ZNF385D: variants seen among roughly 807,000 people sequenced by gnomAD.
The protein encoded by ZNF385D is zinc finger protein 659.
A neutral mutation model predicts 35.8 loss-of-function variants in ZNF385D; 15 were observed. The ratio of observed to expected loss-of-function variants is 0.42; its 90% CI spans 0.28 to 0.64. The LOEUF is 0.64. Ranked by LOEUF, ZNF385D falls within the 30% of genes least tolerant of loss-of-function variation. ZNF385D has a pLI of 0.23. For missense variants in ZNF385D, 474 were observed against 494.6 expected, an observed-to-expected ratio of 0.96 and a Z score of 0.39; for synonymous variants, 212 against 186.8, an observed-to-expected ratio of 1.13 and a Z score of -1.10.
intron 2 of ZNF385D, among the ~76,000 whole-genome samples, chr3:22,183,886 ATTTTAC>A (rs1300867384): frequency 6.7e-6 from 1 of 149,702 alleles, no homozygotes; most frequent in Admixed American, 6.7e-5. Flanking sequence ...CATTTTTTAT[ATTTTAC>A]TTTTATGCTG....
rs1694963429 is a variant in ZNF385D, at chr3:21,831,125, G to T, written c.326-166097C>A. Reference sequence around the variant, plus strand: ...TTGAAACAAATCAACACTCAAGGTTGTTTTTAGAGGCACAATTCAATAATT... The same window carrying T: ...TTGAAACAAATCAACACTCAAGGTTTTTTTTAGAGGCACAATTCAATAATT... On this transcript the variant is annotated intron_variant, in intron 3 of 5. Coordinates refer to the ZNF385D transcript ENST00000494108. Among the ~76,000 whole-genome samples the T allele has an allele frequency of 2.0e-5, 3 of 152,076 alleles. No homozygotes were observed. In the South Asian group the frequency reaches 6.2e-4, roughly 32 times the overall value.
chr3:22,346,213 A>C (rs987994727), intron 2 of ZNF385D, among the ~76,000 whole-genome samples: 1 of 152,168 alleles, frequency 6.6e-6, no homozygotes, highest in African/African-American at 2.4e-5. Context: ...GGCTCCATAA[A>C]TTCCTGTCTA....
intron 2 of ZNF385D, among the ~76,000 whole-genome samples, chr3:21,628,583 A>G (rs1420365467): frequency 6.6e-6 from 1 of 152,150 alleles, no homozygotes; most frequent in African/African-American, 2.4e-5. Context: ...CCCTGCCTAA[A>G]AAAGACAAGT....
At chr3:22,027,679 A>ACAGCTG (rs1266192845) in intron 3 of ZNF385D, among the ~76,000 whole-genome samples, 2 of 152,118 alleles carry the variant, frequency 1.3e-5, no homozygotes, top group African/African-American at 4.8e-5. Context: ...TGGGTCACGC[A>ACAGCTG]CAGCTGCATT....
chr3:22,002,308 G>A (rs1213376990), intron 3 of ZNF385D, among the ~76,000 whole-genome samples: 1 of 152,040 alleles, frequency 6.6e-6, no homozygotes, highest in Admixed American at 6.6e-5. Context: ...AGGATATGAT[G>A]AACAAGTATA....
chr3:22,280,801 G>T (rs1030281145), intron 2 of ZNF385D, among the ~76,000 whole-genome samples: 4 of 152,134 alleles, frequency 2.6e-5, no homozygotes, highest in African/African-American at 9.6e-5. Flanking sequence ...GTTCTTTGAG[G>T]AATGATTGCG....
rs571982 is a variant in ZNF385D at position 21,970,173 on chromosome 3, C to A, written c.325+198644G>T. 2.0e-5 allele frequency among the ~76,000 whole-genome samples: 3 copies of A among 151,934 alleles called. No homozygotes were observed. The East Asian group carries it at 5.8e-4, about 30-fold the overall frequency. Reference sequence around the variant, plus strand: ...CTTCAATACTCTGACACCAATAACACTGACAAGCATTAAAACCATCCAGGA... The same window carrying A: ...CTTCAATACTCTGACACCAATAACAATGACAAGCATTAAAACCATCCAGGA... On this transcript the variant is annotated intron_variant, in intron 3 of 5. Coordinates refer to the ZNF385D transcript ENST00000494108.
chr3:21,692,462 T>C (rs750074493), intron 1 of ZNF385D, among the ~76,000 whole-genome samples: 11 of 152,190 alleles, frequency 7.2e-5, no homozygotes, highest in Non-Finnish European at 1.3e-4. Flanking sequence ...AATAATTTGA[T>C]TTCTCAGTTT....
chr3:21,801,260 T>A (rs1329349357), intron 3 of ZNF385D, among the ~76,000 whole-genome samples: 1 of 152,166 alleles, frequency 6.6e-6, no homozygotes, highest in East Asian at 1.9e-4. Context: ...TGTGTCAGTA[T>A]TCATTAGACA....
chr3:22,265,014 CT>C (rs1219239405), intron 2 of ZNF385D, among the ~76,000 whole-genome samples: 4 of 151,954 alleles, frequency 2.6e-5, no homozygotes, highest in South Asian at 4.1e-4. Context: ...AGATAACGGA[CT>C]TTTTTTCATG....
intron 2 of ZNF385D, among the ~76,000 whole-genome samples, chr3:22,311,628 T>TA (rs1703556199): frequency 6.6e-6 from 1 of 152,162 alleles, no homozygotes; most frequent in East Asian, 1.9e-4. Flanking sequence ...ATTTTACATT[T>TA]AGCTTGTATG....
intron 3 of ZNF385D, among the ~76,000 whole-genome samples, chr3:21,899,219 A>G (rs886197139): frequency 2.6e-5 from 4 of 151,996 alleles, no homozygotes; most frequent in Non-Finnish European, 4.4e-5. Flanking sequence ...CCCTATGACA[A>G]AAAATTATCT....
intron 1 of ZNF385D, among the ~76,000 whole-genome samples, chr3:21,744,856 T>TA (rs1216117727): frequency 6.1e-4 from 82 of 133,782 alleles, no homozygotes; most frequent in Non-Finnish European, 1.2e-3. Context: ...TTAAAAAAAA[T>TA]AAAAAAAATA....
At chr3:21,845,376 A>G (rs1695942245) in intron 3 of ZNF385D, among the ~76,000 whole-genome samples, 1 of 152,058 alleles carries the variant, frequency 6.6e-6, no homozygotes, top group South Asian at 2.1e-4. Context: ...CGAAGTACAC[A>G]GTAGCTCCTA....
chr3:22,220,702 G>T (rs970837460), intron 2 of ZNF385D, among the ~76,000 whole-genome samples: 1 of 152,054 alleles, frequency 6.6e-6, no homozygotes, highest in Non-Finnish European at 1.5e-5. Flanking sequence ...TGATTACATA[G>T]ACTCTTATAG....
intron 3 of ZNF385D, among the ~76,000 whole-genome samples, chr3:21,836,524 A>C (rs1695340486): frequency 6.6e-6 from 1 of 152,066 alleles, no homozygotes; most frequent in Admixed American, 6.6e-5. Context: ...AAAATTCTCA[A>C]ATCTCCATCC....
At chr3:22,207,655 T>C (rs532833830) in intron 2 of ZNF385D, among the ~76,000 whole-genome samples, 2 of 151,532 alleles carry the variant, frequency 1.3e-5, no homozygotes, top group Admixed American at 6.6e-5. Flanking sequence ...GAAGAGACAA[T>C]CAACAGAACA....
At chr3:21,946,206 T>A (rs1358545720) in intron 3 of ZNF385D, among the ~76,000 whole-genome samples, 1 of 152,084 alleles carries the variant, frequency 6.6e-6, no homozygotes, top group Admixed American at 6.5e-5. Flanking sequence ...ACTTTTCTCT[T>A]TTAACTTAAC....
rs115686231 is a variant in ZNF385D at position 22,183,662 on chromosome 3, A to C, written c.107-14627T>G. Among the ~76,000 whole-genome samples, 1,199 of 152,338 alleles carry C rather than the reference A, an allele frequency of 7.9e-3. 15 individuals are homozygous for C. The highest frequency in any genetic ancestry group is 0.027 in the African/African-American group (1,110 of 41,590). ...CAAGGATTCTTTATGAAAGTTACTT[A>C]TAAAAGTATATTTCTATTGTATCAT... On this transcript the variant is annotated intron_variant, in intron 2 of 5. Coordinates refer to the ZNF385D transcript ENST00000494108.
Sources: gnomAD v4.1 joint callset for allele counts (sites outside exome capture counted in the v4.1 genomes callset) on GRCh38, gnomAD v4.1.1 for gene constraint, MANE v1.5 for transcripts, NCBI Gene and HGNC (gene_info 2026-07-23, HGNC 2026-07-21) for gene names.